Variants in EPB41L3 observed in about 807,000 individuals in gnomAD.
The protein encoded by EPB41L3 is band 4.1-like protein 3.
EPB41L3 carries 57 observed loss-of-function variants against 127.1 expected under a neutral mutation model. That is an observed-to-expected ratio of 0.45 (90% CI 0.36 to 0.56). The LOEUF is 0.56. EPB41L3 is among the 20% of genes least tolerant of loss of function. The pLI is 0.00. For missense variants in EPB41L3, 1,273 were observed against 1,372.2 expected (o/e 0.93, Z 1.14); for synonymous variants, 572 against 549.5 (o/e 1.04, Z -0.57).
In EPB41L3 at chr18:5,543,847, T is replaced by C. The variant is rs533515130; in HGVS notation, c.-12+66A>G. The C allele has an allele frequency of 4.1e-5, 40 of 982,052 alleles. No homozygotes were observed. The African/African-American group carries it at 6.7e-4, about 16-fold the overall frequency. 60.8% of individuals were successfully genotyped at this position (982,052 alleles called of 1,614,324 possible). On this transcript the variant is annotated intron_variant, in intron 1 of 22. Coordinates refer to ENST00000341928, the MANE Select transcript of EPB41L3 (RefSeq NM_012307.5). The surrounding 1 kb of genome is among the most constrained non-coding windows in gnomAD (Gnocchi z 5.2). ...GCGCCTCGCCCCAGGCCTCGGGCTC[T>C]TCCTCCGCACCTCGTAAAGCCGAGA...
intron 3 of EPB41L3, among the ~76,000 whole-genome samples, chr18:5,566,355 T>C (rs2094198104): frequency 6.6e-6 from 1 of 152,104 alleles, no homozygotes. Context: ...TGAACTCCCA[T>C]TCACAATTGC....
chr18:5,550,703 C>A (rs1332461844), intron 3 of EPB41L3, among the ~76,000 whole-genome samples: 1 of 152,156 alleles, frequency 6.6e-6, no homozygotes, highest in Non-Finnish European at 1.5e-5. Flanking sequence ...GCAAAATCAG[C>A]TATAAATTCC....
rs190821295 is a variant in EPB41L3 at position 5,607,161 on chromosome 18, T to C, written c.-306+5179A>G. ...CGTGGAGAGGAACTACTAGAAGCCATGTGAAGCCACTGGAATGTCGAAAGC... is the reference window on the plus strand; with the variant it reads ...CGTGGAGAGGAACTACTAGAAGCCACGTGAAGCCACTGGAATGTCGAAAGC... On this transcript the variant is annotated intron_variant, in intron 3 of 21. Transcript: ENST00000545076. 4.7e-4 allele frequency among the ~76,000 whole-genome samples: 72 copies of C among 152,266 alleles called. No homozygotes were observed. In the East Asian group the frequency reaches 0.012, roughly 25 times the overall value.
chr18:5,516,699 G>T (rs758661896), intron 1 of EPB41L3, among the ~76,000 whole-genome samples: 40 of 152,178 alleles, frequency 2.6e-4, no homozygotes, highest in African/African-American at 8.4e-4. Flanking sequence ...GACAGACTTG[G>T]TTTTTTTAAC....
intron 5 of EPB41L3, among the ~76,000 whole-genome samples, chr18:5,441,613 A>ATC (rs2080775132): frequency 6.6e-6 from 1 of 151,936 alleles, no homozygotes; most frequent in South Asian, 2.1e-4. Flanking sequence ...CTACAGGCGC[A>ATC]CGCCACCATG....
At chr18:5,459,641 G>A (rs1351563238) in intron 3 of EPB41L3, among the ~76,000 whole-genome samples, 1 of 152,106 alleles carries the variant, frequency 6.6e-6, no homozygotes, top group African/African-American at 2.4e-5. Context: ...GAATGAGAAT[G>A]TTTTAAGCTG....
chr18:5,464,241 CTCTACAGGGATAGT>C (rs2084555469), intron 3 of EPB41L3, among the ~76,000 whole-genome samples: 1 of 152,118 alleles, frequency 6.6e-6, no homozygotes, highest in Non-Finnish European at 1.5e-5. Flanking sequence ...CCTTAAATAC[CTCTACAGGGATAGT>C]CAGCTAACAT....
intron 3 of EPB41L3, among the ~76,000 whole-genome samples, chr18:5,551,535 G>GGCAATATATTGAGACCCCA (rs1221287344): frequency 6.6e-6 from 1 of 151,994 alleles, no homozygotes; most frequent in Non-Finnish European, 1.5e-5. Flanking sequence ...GTCCAGCTTG[G>GGCAATATATTGAGACCCCA]GCAATATATT....
At chr18:5,529,906 C>A (rs2093354095) in intron 1 of EPB41L3, among the ~76,000 whole-genome samples, 1 of 149,000 alleles carries the variant, frequency 6.7e-6, no homozygotes, top group Non-Finnish European at 1.5e-5. Context: ...ATGCCATCAC[C>A]AACCCCACCA....
chr18:5,458,743 T>C (rs1348184179), intron 3 of EPB41L3, among the ~76,000 whole-genome samples: 5 of 152,238 alleles, frequency 3.3e-5, no homozygotes, highest in Admixed American at 6.5e-5. Context: ...ATTGATATTT[T>C]TGTAGCAGTC....
Position 5,472,611 on chromosome 18 carries a change from T to C in EPB41L3, c.381+5630A>G, listed in dbSNP as rs542486071. Reference sequence around the variant, plus strand: ...CCTTATTTTTATGGTTTACAATTAATATTCTTGTAATTCAAGAAAAGCAAA... The same window carrying C: ...CCTTATTTTTATGGTTTACAATTAACATTCTTGTAATTCAAGAAAAGCAAA... On this transcript the variant is annotated intron_variant, in intron 3 of 22. Coordinates refer to ENST00000341928, the MANE Select transcript of EPB41L3 (RefSeq NM_012307.5). 4.6e-5 allele frequency among the ~76,000 whole-genome samples: 7 copies of C among 152,344 alleles called. No homozygotes were observed. The East Asian group carries it at 5.8e-4, about 13-fold the overall frequency.
intron 9 of EPB41L3, among the ~76,000 whole-genome samples, chr18:5,428,049 C>T (rs1188664018): frequency 3.3e-5 from 5 of 152,168 alleles, no homozygotes. Context: ...GCCACCGCAC[C>T]CGGCCGAGAC....
rs2094221866 is a variant in EPB41L3 at position 5,567,477 on chromosome 18, G to A, written c.-306+44863C>T. 2.6e-5 allele frequency: 4 copies of A among 152,128 alleles called. No individual in the cohort carries two copies. In the South Asian group the frequency reaches 6.2e-4, roughly 24 times the overall value. 9.4% of individuals were successfully genotyped at this position (152,128 alleles called of 1,614,324 possible). A position where few individuals can be genotyped will look rare whatever the true frequency, so the allele number is the denominator to read the frequency against. On this transcript the variant is annotated intron_variant, in intron 3 of 21. Transcript: ENST00000545076. ...ACTCATAAATTAATTCAAATTGGAG[G>A]CTGTACGCTGTCATATGGTTCTCCT...
At chr18:5,446,226 A>G (rs940481825) in intron 3 of EPB41L3, among the ~76,000 whole-genome samples, 1 of 152,226 alleles carries the variant, frequency 6.6e-6, no homozygotes, top group African/African-American at 2.4e-5. Flanking sequence ...AATCCTTATT[A>G]AACATAACAA....
chr18:5,489,210 A>G lies in EPB41L3; in HGVS notation c.-11-16T>C, dbSNP rs1303303136. The G allele has an allele frequency of 2.5e-6, 4 of 1,583,380 alleles. No homozygotes were observed. The highest frequency in any genetic ancestry group is 2.8e-5 in the African/African-American group (2 of 71,320). ...GTTGATTGTTCTGCAAGCAGAAAAA[A>G]GGGAAGAGCAGGTCACTCCGTGCCA... On this transcript the variant is annotated splice_polypyrimidine_tract_variant and intron_variant, in intron 1 of 22. Transcript: ENST00000341928.
At chr18:5,417,893 C>T (rs756766208) in intron 12 of EPB41L3, among the ~76,000 whole-genome samples, 3 of 152,130 alleles carry the variant, frequency 2.0e-5, no homozygotes, top group Admixed American at 6.5e-5. Context: ...AACTGTCCTC[C>T]AGCATGGAGG....
chr18:5,396,710 C>T (rs2073559719), intron 18 of EPB41L3, among the ~76,000 whole-genome samples: 1 of 152,166 alleles, frequency 6.6e-6, no homozygotes, highest in Non-Finnish European at 1.5e-5. Context: ...TTTGGTGCTT[C>T]TGGAAAAGTG....
At position 5,528,701 on chromosome 18, in the gene EPB41L3, G is replaced by A. The variant is rs149980169; in HGVS notation, c.-12+15212C>T. Among the ~76,000 whole-genome samples the A allele has an allele frequency of 3.1e-3, 467 of 152,172 alleles. 5 individuals are homozygous for A. In the East Asian group the frequency reaches 0.034, roughly 11 times the overall value. On this transcript the variant is annotated intron_variant, in intron 1 of 22. Coordinates refer to ENST00000341928, the MANE Select transcript of EPB41L3 (RefSeq NM_012307.5). ...CAGCCTAGGCCTCCCAGGCTCAAGT[G>A]ATTCCCATGCCTCAGCCTCCCAAGT...
chr18:5,467,238 A>C (rs187188296), intron 3 of EPB41L3, among the ~76,000 whole-genome samples: 3 of 152,262 alleles, frequency 2.0e-5, no homozygotes, highest in Admixed American at 6.5e-5. Context: ...TCCTCTTCTC[A>C]CTCAAAATGC....
Sources: allele counts gnomAD v4.1 joint callset (sites outside exome capture counted in the v4.1 genomes callset), GRCh38; gene constraint gnomAD v4.1.1; non-coding constraint Gnocchi (gnomAD v3.1); transcripts MANE v1.5; gene names NCBI Gene and HGNC (gene_info 2026-07-23, HGNC 2026-07-21).